APBB2: variants seen among roughly 807,000 people sequenced by gnomAD.
APBB2 encodes Fe65-like 1.
Under a neutral mutation model 82.5 loss-of-function variants are expected in APBB2, and 38 were observed. The ratio of observed to expected loss-of-function variants is 0.46; its 90% CI spans 0.36 to 0.60. APBB2 has a LOEUF of 0.60. APBB2 is among the 20% of genes least tolerant of loss of function. The probability of loss-of-function intolerance (pLI) is 0.00; values close to 1 mark genes in which losing one functional copy is unlikely to be tolerated. For missense variants in APBB2, 772 were observed against 972.3 expected (o/e 0.79, Z 2.74); for synonymous variants, 341 against 368.2 (o/e 0.93, Z 0.85).
intron 3 of APBB2, among the ~76,000 whole-genome samples, chr4:41,072,560 C>T (rs548173674): frequency 6.6e-6 from 1 of 152,292 alleles, no homozygotes; most frequent in South Asian, 2.1e-4. Flanking sequence ...CTGAAGGGCA[C>T]AGGGCACGGC....
chr4:41,043,310 T>A (rs371822614), intron 4 of APBB2, among the ~76,000 whole-genome samples: 10 of 152,346 alleles, frequency 6.6e-5, no homozygotes, highest in African/African-American at 2.4e-4. Flanking sequence ...ATACTATGCA[T>A]CACTTAAAAG....
In APBB2 at chr4:40,944,875, G is replaced by T; in HGVS notation, c.1034C>A (p.Pro345Gln). The change falls in exon 7 of 18, where the codon CCA becomes CAA. Residue 345 changes from proline (P) to glutamine (Q), a missense_variant. Coordinates refer to ENST00000508593, the MANE Select transcript of APBB2 (RefSeq NM_004307.2). ...SLSSVTPSPTPENEKQPWSDF... is the reference protein window; with the variant it reads ...SLSSVTPSPTQENEKQPWSDF... ...GACACTCCGTTTTACCTCGTTCTCT[G>T]GGGTGGGAGATGGCGTTACAGAACT... 6.2e-7 allele frequency: 1 copy of T among 1,612,804 alleles called. No homozygotes were observed. The highest frequency in any genetic ancestry group is 1.7e-5 in the Admixed American group (1 of 60,026).
intron 4 of APBB2, among the ~76,000 whole-genome samples, chr4:41,035,409 GA>G: frequency 6.6e-6 from 1 of 152,326 alleles, no homozygotes; most frequent in South Asian, 2.1e-4. Context: ...AAACTGTCCT[GA>G]AACAGCAAGT....
intron 10 of APBB2, among the ~76,000 whole-genome samples, chr4:40,908,665 A>G (rs1777727382): frequency 6.6e-6 from 1 of 152,080 alleles, no homozygotes; most frequent in South Asian, 2.1e-4. Flanking sequence ...AAGGCCTCCT[A>G]GGAGTACCCT....
rs199964463 is a variant in APBB2 at position 40,945,073 on chromosome 4, G to A, written c.836C>T (p.Ala279Val). 3.4e-4 allele frequency: 402 copies of A among 1,175,900 alleles called. No individual in the cohort carries two copies. Among genetic ancestry groups the A allele is most frequent in the Middle Eastern group, 1.6e-3 (7 of 4,470 alleles). The allele number at this position is 1,175,900 out of a possible 1,614,324, so 72.8% of individuals were successfully genotyped here. A position where few individuals can be genotyped will look rare whatever the true frequency, so the allele number is the denominator to read the frequency against. Residue 279 changes from alanine (A) to valine (V), a missense_variant and splice_region_variant, in exon 7 of 18, where the codon GCA becomes GTA. By Grantham distance (64) the Ala-to-Val change is moderately conservative (BLOSUM62 0). Transcript: ENST00000508593. ...AAATGAGTGATCACTCCATATATCT[G>A]CTGAAAAATTGGGGGGCGGGGCGGG... ...SASPSSPDET[A>V]DIWSDHSFQT... is the part of the protein sequence containing the mutation.
chr4:41,053,956 A>T (rs905672309), intron 4 of APBB2, among the ~76,000 whole-genome samples: 1 of 152,252 alleles, frequency 6.6e-6, no homozygotes, highest in Non-Finnish European at 1.5e-5. Context: ...GAAAAGGCTC[A>T]TAACATCTGC....
intron 4 of APBB2, among the ~76,000 whole-genome samples, chr4:41,034,239 G>A (rs1425162692): frequency 1.2e-5 from 1 of 84,492 alleles, no homozygotes; most frequent in East Asian, 9.2e-4. Flanking sequence ...TGGTTCATTA[G>A]ATGATAATAC....
chr4:40,847,084 A>G (rs1479484418), intron 12 of APBB2, among the ~76,000 whole-genome samples: 1 of 152,210 alleles, frequency 6.6e-6, no homozygotes, highest in Non-Finnish European at 1.5e-5. Flanking sequence ...GGGTATAATG[A>G]AAGGATAACG....
At chr4:41,121,525 G>A (rs1312019648) in intron 2 of APBB2, among the ~76,000 whole-genome samples, 1 of 152,226 alleles carries the variant, frequency 6.6e-6, no homozygotes, top group African/African-American at 2.4e-5. Flanking sequence ...GAGGGAAAGC[G>A]ACAGAGTTGG....
intron 3 of APBB2, among the ~76,000 whole-genome samples, chr4:41,066,402 A>G (rs1457522768): frequency 6.6e-6 from 1 of 152,240 alleles, no homozygotes; most frequent in Non-Finnish European, 1.5e-5. Context: ...CTATACACCC[A>G]GCACCATGCT....
At chr4:41,192,499 C>A (rs961397697) in intron 1 of APBB2, among the ~76,000 whole-genome samples, 1 of 151,856 alleles carries the variant, frequency 6.6e-6, no homozygotes, top group Admixed American at 6.6e-5. Flanking sequence ...CATGGACGAA[C>A]CTAGAAGATA....
chr4:41,007,822 T>C (rs930067787), intron 6 of APBB2, among the ~76,000 whole-genome samples: 3 of 152,226 alleles, frequency 2.0e-5, no homozygotes, highest in African/African-American at 7.2e-5. Flanking sequence ...GAAGTTCATA[T>C]ACACACATAA....
chr4:40,947,815 G>A (rs28538244), intron 6 of APBB2, among the ~76,000 whole-genome samples: 59,232 of 151,926 alleles, frequency 0.39, 12,361 homozygotes, highest in Non-Finnish European at 0.48. Context: ...CATCATATTC[G>A]ACATCCAGCA....
In APBB2 at chr4:40,822,070, G is replaced by A; in HGVS notation, c.1933-20C>T. On this transcript the variant is annotated intron_variant, in intron 16 of 17. Transcript: ENST00000508593. ...TTCATTCTGCAAGAGACATTATGCG[G>A]CATCCAATCAGGAGATCCCAGGATC... 6.2e-7 allele frequency: 1 copy of A among 1,612,728 alleles called. No individual in the cohort carries two copies. Among genetic ancestry groups the A allele is most frequent in the South Asian group, 1.1e-5 (1 of 91,030 alleles).
At chr4:41,195,668 C>T in intron 1 of APBB2, among the ~76,000 whole-genome samples, 1 of 152,288 alleles carries the variant, frequency 6.6e-6, no homozygotes, top group Non-Finnish European at 1.5e-5. Context: ...AGGCCCTTTC[C>T]GTGTCCTAAA....
At chr4:41,011,286 T>C (rs1229129643) in intron 6 of APBB2, among the ~76,000 whole-genome samples, 1 of 151,870 alleles carries the variant, frequency 6.6e-6, no homozygotes, top group African/African-American at 2.4e-5. Context: ...GTTCAAGCAA[T>C]TCTTCTGCCT....
At chr4:40,830,634 CT>C in intron 12 of APBB2, 57 bp from the exon 13 acceptor site, 1 of 1,043,918 alleles carries the variant, frequency 9.6e-7, no homozygotes, top group Non-Finnish European at 1.5e-6. Flanking sequence ...CCAACACATA[CT>C]TTAGTTATGA....
chr4:40,993,950 G>A (rs940089869), intron 6 of APBB2, among the ~76,000 whole-genome samples: 2 of 152,006 alleles, frequency 1.3e-5, no homozygotes, highest in Non-Finnish European at 1.5e-5. Flanking sequence ...ACCTGCGTCT[G>A]AGTCTGTAAG....
In APBB2 at chr4:41,014,269, T is replaced by A. The variant is rs1809241024; in HGVS notation, c.149A>T (p.Asn50Ile). 1.2e-6 allele frequency: 2 copies of A among 1,614,076 alleles called. No individual in the cohort carries two copies. Among genetic ancestry groups the A allele is most frequent in the African/African-American group, 2.7e-5 (2 of 74,906 alleles). ...NLRSSHNELL[N>I]AEIKHTETKN... is the part of the protein sequence containing the mutation. Reference sequence around the variant, plus strand: ...GGTTTCTGTGTGTTTTATTTCAGCGTTCAACAGTTCATTGTGGGAGGATCG... The same window carrying A: ...GGTTTCTGTGTGTTTTATTTCAGCGATCAACAGTTCATTGTGGGAGGATCG... Residue 50 changes from asparagine (N) to isoleucine (I), a missense_variant, in exon 6 of 18, where the codon AAC becomes ATC. Transcript: ENST00000508593.
Sources: gnomAD v4.1 joint callset for allele counts (sites outside exome capture counted in the v4.1 genomes callset) on GRCh38, gnomAD v4.1.1 for gene constraint, MANE v1.5 for transcripts, NCBI Gene and HGNC (gene_info 2026-07-23, HGNC 2026-07-21) for gene names.